UBR4: variants seen among roughly 807,000 people sequenced by gnomAD.
UBR4 encodes the protein E3 ubiquitin-protein ligase UBR4.
Under a neutral mutation model 575.6 loss-of-function variants are expected in UBR4, and 124 were observed. The ratio of observed to expected loss-of-function variants is 0.22; its 90% CI spans 0.19 to 0.25. UBR4 has a LOEUF of 0.25. Among genes scored for constraint, UBR4 ranks in the 10% least tolerant of loss-of-function variants. The probability of loss-of-function intolerance (pLI) is 1.00; values close to 1 mark genes in which losing one functional copy is unlikely to be tolerated. For synonymous variants in UBR4, 2,455 were observed against 2,473.7 expected (o/e 0.99, Z 0.22); for missense variants, 4,818 against 6,478.8 (o/e 0.74, Z 8.80).
rs754592706 is a variant in UBR4, at chr1:19,117,329, C to G, written c.10715G>C (p.Ser3572Thr). 1.1e-5 allele frequency: 18 copies of G among 1,614,174 alleles called. No individual in the cohort carries two copies. Among genetic ancestry groups the G allele is most frequent in the Non-Finnish European group, 1.5e-5 (18 of 1,180,030 alleles). Residue 3572 changes from serine to threonine, a missense_variant, in exon 73 of 106, where the codon AGC (serine) becomes ACC (threonine). Transcript: ENST00000375254. This position sits in a 1 kb window ranked among gnomAD's most constrained non-coding sequence, Gnocchi z 4.0. ...ATCCCCGATTTTCACTGTCACTTTGCTGATGGTGTGACTGCCAATGAGCTT... is the reference window on the plus strand; with the variant it reads ...ATCCCCGATTTTCACTGTCACTTTGGTGATGGTGTGACTGCCAATGAGCTT... ...VVKLIGSHTI[S>T]KVTVKIGDLK... is the part of the protein sequence containing the mutation.
intron 39 of UBR4, among the ~76,000 whole-genome samples, chr1:19,158,323 C>T (rs2086731682): frequency 6.6e-6 from 1 of 152,188 alleles, no homozygotes; most frequent in Admixed American, 6.5e-5. Context: ...TAAAAATCAG[C>T]AACTTTATGG....
chr1:19,198,809 T>C lies in UBR4; in HGVS notation c.498A>G (p.Thr166=). The change falls in exon 4 of 106, where the codon ACA becomes ACG. Residue 166 remains threonine, a synonymous_variant. Coordinates refer to ENST00000375254, the MANE Select transcript of UBR4 (RefSeq NM_020765.3). ...CAAAGGAACACCCACCGTCTGAAAG[T>C]GTCTTCACTGTTTGGGGCAGCTTGG... ...KSAKLPQTVK[T]LSDVEDQKEL... 1.2e-6 allele frequency: 2 copies of C among 1,614,246 alleles called. No individual in the cohort carries two copies. The highest frequency in any genetic ancestry group is 1.7e-6 in the Non-Finnish European group (2 of 1,180,038).
chr1:19,162,676 C>T, intron 34 of UBR4, 65 bp from the exon 35 acceptor site: 2 of 1,495,938 alleles, frequency 1.3e-6, no homozygotes, highest in South Asian at 1.3e-5. Context: ...CATGTTTTCT[C>T]AAGCTTTTTC....
In UBR4 at chr1:19,144,184, T is replaced by C. The variant is rs181741007; in HGVS notation, c.8068-93A>G. Reference sequence around the variant, plus strand: ...TTCCTTTCTTGGTCACTCACTCACATGCAAGTGGAATACCTCTCTACTCTC... The same window carrying C: ...TTCCTTTCTTGGTCACTCACTCACACGCAAGTGGAATACCTCTCTACTCTC... On this transcript the variant is annotated intron_variant, in intron 54 of 105. Transcript: ENST00000375254. The C allele has an allele frequency of 6.7e-5, 78 of 1,159,784 alleles. 2 individuals carry two copies. The Middle Eastern group carries it at 1.5e-3, about 22-fold the overall frequency. 71.8% of individuals were successfully genotyped at this position (1,159,784 alleles called of 1,614,324 possible).
chr1:19,092,796 C>A, intron 97 of UBR4, 23 bp downstream of exon 97: 2 of 1,595,112 alleles, frequency 1.3e-6, no homozygotes, highest in Non-Finnish European at 1.7e-6. Context: ...TGTACCCTCA[C>A]ACTACCTGTC....
chr1:19,077,208 C>T (rs902448355), intron 104 of UBR4, among the ~76,000 whole-genome samples: 4 of 152,206 alleles, frequency 2.6e-5, no homozygotes, highest in Non-Finnish European at 5.9e-5. Context: ...TGTCAATGTG[C>T]TTCCATGAGC....
chr1:19,189,692 G>A (rs1417408688), intron 11 of UBR4, among the ~76,000 whole-genome samples: 1 of 152,056 alleles, frequency 6.6e-6, no homozygotes, highest in East Asian at 1.9e-4. Context: ...CAACATACAT[G>A]TATTCTTTTA....
In UBR4 at chr1:19,177,663, T is replaced by G; in HGVS notation, c.2435A>C (p.Gln812Pro). The G allele has an allele frequency of 1.2e-6, 2 of 1,614,064 alleles. No individual in the cohort carries two copies. The change falls in exon 19 of 106, where the codon CAG becomes CCG. Residue 812 changes from glutamine to proline, a missense_variant. This residue lies in a region of UBR4 where 1,172 missense variants were observed against 1,259.7 expected (regional missense o/e 0.93). Coordinates refer to ENST00000375254, the MANE Select transcript of UBR4 (RefSeq NM_020765.3). ...ATTGTGGAAAATGAGGAGGAGCATC[T>G]GCAGGTGTTCTACATTCAGATCCTC... ...ETEDLNVEHLQMLLLIFHNFT... is the reference protein window; with the variant it reads ...ETEDLNVEHLPMLLLIFHNFT...
Position 19,112,625 on chromosome 1 carries a change from A to C in UBR4, c.11700T>G (p.Leu3900=), listed in dbSNP as rs1275208352. 3 of 1,614,138 alleles carry C rather than the reference A, an allele frequency of 1.9e-6. No homozygotes were observed. The highest frequency in any genetic ancestry group is 2.7e-5 in the African/African-American group (2 of 74,940). Reference sequence around the variant, plus strand: ...GCTCCCGGATAAGGCCCTGGGAGACAAGGATGTGCCTCAAGGCTGGGTTGG... The same window carrying C: ...GCTCCCGGATAAGGCCCTGGGAGACCAGGATGTGCCTCAAGGCTGGGTTGG... ...LATNPALRHI[L]VSQGLIRELF... is the part of the protein sequence containing the mutation. Residue 3900 remains leucine (L), a synonymous_variant, in exon 78 of 106, where the codon CTT becomes CTG. Coordinates refer to ENST00000375254, the MANE Select transcript of UBR4 (RefSeq NM_020765.3).
chr1:19,140,684 A>G, intron 58 of UBR4, 104 bp downstream of exon 58: 1 of 1,184,642 alleles, frequency 8.4e-7, no homozygotes, highest in Non-Finnish European at 1.2e-6. Flanking sequence ...CAGGAAGTCC[A>G]GAATGGCCTG....
At chr1:19,096,492 T>TGGCCCCCACAACTTGC in intron 92 of UBR4, 31 bp downstream of exon 92, 2 of 1,606,254 alleles carry the variant, frequency 1.2e-6, no homozygotes, top group Non-Finnish European at 8.5e-7. Flanking sequence ...GCAGAAAGGC[T>TGGCCCCCACAACTTGC]GGCCCCCACA....
Position 19,170,834 on chromosome 1 carries a change from A to G in UBR4, c.3571T>C (p.Ser1191Pro), listed in dbSNP as rs1268703032. Residue 1191 changes from serine (S) to proline (P), a missense_variant, in exon 26 of 106, where the codon TCC (serine) becomes CCC (proline). This residue lies in a region of UBR4 where 1,172 missense variants were observed against 1,259.7 expected (regional missense o/e 0.93). Coordinates refer to ENST00000375254, the MANE Select transcript of UBR4 (RefSeq NM_020765.3). The part of the protein sequence containing the change: ...FNEEGTTEKP[S>P]KEKLQGFAAV... ...GCAAAGCCTTGCAGTTTCTCCTTGG[A>G]AGGTTTCTCAGTTGTTCCCTCTTCA... 1.9e-6 allele frequency: 3 copies of G among 1,614,164 alleles called. No homozygotes were observed. Among genetic ancestry groups the G allele is most frequent in the Non-Finnish European group, 2.5e-6 (3 of 1,180,018 alleles).
rs2083393460 is a variant in UBR4, at chr1:19,137,997, A to G, written c.8906+10T>C. On this transcript the variant is annotated intron_variant, in intron 60 of 105. Coordinates refer to ENST00000375254, the MANE Select transcript of UBR4 (RefSeq NM_020765.3). ...GCAAGCCTCTTAACTGTGAAGGACTAGGTCTTGACCTGTTGCTAGTGTGGA... is the reference window on the plus strand; with the variant it reads ...GCAAGCCTCTTAACTGTGAAGGACTGGGTCTTGACCTGTTGCTAGTGTGGA... 6.7e-7 allele frequency: 1 copy of G among 1,500,668 alleles called. No individual in the cohort carries two copies. The highest frequency in any genetic ancestry group is 9.0e-7 in the Non-Finnish European group (1 of 1,116,284). The allele number at this position is 1,500,668 out of a possible 1,614,324, so 93.0% of individuals were successfully genotyped here.
Position 19,138,070 on chromosome 1 carries a change from T to C in UBR4, c.8843A>G (p.Glu2948Gly). Reference sequence around the variant, plus strand: ...TCCTTCTCCCTCGGAGCCATCTCCCTCCTGGTGCCCAGTGGTGGTGCTGAT... The same window carrying C: ...TCCTTCTCCCTCGGAGCCATCTCCCCCCTGGTGCCCAGTGGTGGTGCTGAT... ...GAISTTTGHQ[E>G]GDGSEGEGEG... Residue 2948 changes from glutamate (E) to glycine (G), a missense_variant, in exon 60 of 106, where the codon GAG (glutamate) becomes GGG (glycine). This residue lies in a region of UBR4 where 87 missense variants were observed against 82.8 expected (regional missense o/e 1.05). Coordinates refer to ENST00000375254, the MANE Select transcript of UBR4 (RefSeq NM_020765.3). 1 of 1,597,284 alleles carries C rather than the reference T, an allele frequency of 6.3e-7. No homozygotes were observed. The highest frequency in any genetic ancestry group is 8.5e-7 in the Non-Finnish European group (1 of 1,169,682).
rs200171186 is a variant in UBR4, at chr1:19,104,621, C to T, written c.12691G>A (p.Asp4231Asn). 7.4e-5 allele frequency: 120 copies of T among 1,614,016 alleles called. No individual in the cohort carries two copies. Among genetic ancestry groups the T allele is most frequent in the Non-Finnish European group, 9.2e-5 (108 of 1,180,020 alleles). ...LALEEATLST[D>N]LQQGYALKSL... The stretch of plus-strand genomic sequence containing the variant: ...TTAAGGGCATAACCCTGCTGCAGAT[C>T]GGTACTCAGGGTAGCCTCCTCCAGG... Residue 4231 changes from aspartate (D) to asparagine (N), a missense_variant, in exon 86 of 106, where the codon GAT becomes AAT. Coordinates refer to ENST00000375254, the MANE Select transcript of UBR4 (RefSeq NM_020765.3).
At chr1:19,205,452 G>A (rs965711094) in intron 1 of UBR4, among the ~76,000 whole-genome samples, 2 of 152,038 alleles carry the variant, frequency 1.3e-5, no homozygotes, top group African/African-American at 4.8e-5. Flanking sequence ...AGTATATATA[G>A]AATCCATTAT....
At chr1:19,200,565 G>A (rs1003972273) in intron 2 of UBR4, among the ~76,000 whole-genome samples, 1 of 151,888 alleles carries the variant, frequency 6.6e-6, no homozygotes. Flanking sequence ...GCTTGGGCCA[G>A]CATGGTCAAA....
Position 19,153,781 on chromosome 1 carries a change from G to C in UBR4, c.6617C>G (p.Pro2206Arg). The change falls in exon 45 of 106, where the codon CCT (proline) becomes CGT (arginine). Residue 2206 changes from proline (P) to arginine (R), a missense_variant. Pro to Arg is a moderately radical substitution (Grantham distance 103). This residue lies in a region of UBR4 where 461 missense variants were observed against 606.9 expected (regional missense o/e 0.76). Transcript: ENST00000375254. The surrounding 1 kb of genome is among the most constrained non-coding windows in gnomAD (Gnocchi z 4.1). Reference protein sequence around the residue: ...TFLIQEIKTLPAKAKIQDMVA... With the variant: ...TFLIQEIKTLRAKAKIQDMVA... ...TCTGGCACTGACCTTCGCTTTAGCA[G>C]GAAGAGTCTTAATCTCCTGGATAAG... The C allele has an allele frequency of 6.2e-7, 1 of 1,613,974 alleles. No individual in the cohort carries two copies. Among genetic ancestry groups the C allele is most frequent in the Non-Finnish European group, 8.5e-7 (1 of 1,179,924 alleles).
Position 19,157,488 on chromosome 1 carries a change from CAG to C in UBR4, c.5760+325_5760+326del, listed in dbSNP as rs1253604040. Among the ~76,000 whole-genome samples, 1 of 152,206 alleles carries C rather than the reference CAG, an allele frequency of 6.6e-6. No homozygotes were observed. Among genetic ancestry groups the C allele is most frequent in the African/African-American group, 2.4e-5 (1 of 41,454 alleles). ...CTTTTGTCTCTCAGCTTATGCCCGCCAGAGTGACCAAACAGGGCAAGACTGGG... is the reference window on the plus strand; with the variant it reads ...CTTTTGTCTCTCAGCTTATGCCCGCCAGTGACCAAACAGGGCAAGACTGGG... On this transcript the variant is annotated intron_variant, in intron 40 of 105. Coordinates refer to ENST00000375254, the MANE Select transcript of UBR4 (RefSeq NM_020765.3). This position sits in a 1 kb window ranked among gnomAD's most constrained non-coding sequence, Gnocchi z 4.4.
Sources: gnomAD v4.1 joint callset for allele counts (sites outside exome capture counted in the v4.1 genomes callset) on GRCh38, gnomAD v4.1.1 for gene constraint, gnomAD v4.1.1 regional missense constraint, Gnocchi (gnomAD v3.1) non-coding constraint, MANE v1.5 for transcripts, NCBI Gene and HGNC (gene_info 2026-07-23, HGNC 2026-07-21) for gene names.